Variants in LOXL2 observed in about 807,000 individuals in gnomAD.
LOXL2 encodes lysyl oxidase homolog 2.
A neutral mutation model predicts 93.0 loss-of-function variants in LOXL2; 70 were observed. The ratio of observed to expected loss-of-function variants is 0.75; its 90% CI spans 0.62 to 0.92. LOXL2 has a LOEUF of 0.92. Among genes scored for constraint, LOXL2 ranks in the 40% least tolerant of loss-of-function variants. The pLI is 0.00. For missense variants in LOXL2, 973 were observed against 1,054.9 expected, an observed-to-expected ratio of 0.92 and a Z score of 1.08; for synonymous variants, 438 against 413.2, an observed-to-expected ratio of 1.06 and a Z score of -0.73.
chr8:23,310,728 T>A (rs1299060299), intron 9 of LOXL2, among the ~76,000 whole-genome samples: 1 of 152,252 alleles, frequency 6.6e-6, no homozygotes, highest in East Asian at 1.9e-4. Flanking sequence ...CTTAACAGGG[T>A]CTTCCAGGTT....
intron 1 of LOXL2, among the ~76,000 whole-genome samples, chr8:23,390,911 TG>T (rs1198831062): frequency 2.0e-5 from 3 of 152,062 alleles, no homozygotes; most frequent in Non-Finnish European, 4.4e-5. Flanking sequence ...TCCATGAGGC[TG>T]GGGAGGCCTC....
chr8:23,375,007 T>C (rs1189631889), intron 1 of LOXL2, among the ~76,000 whole-genome samples: 1 of 152,252 alleles, frequency 6.6e-6, no homozygotes. Flanking sequence ...GTTTTAGACA[T>C]GAAGTCCTTG....
At chr8:23,338,435 T>A (rs377625581) in intron 4 of LOXL2, among the ~76,000 whole-genome samples, 10 of 132,916 alleles carry the variant, frequency 7.5e-5, no homozygotes, top group African/African-American at 2.7e-4. Context: ...GGGCCCAAGG[T>A]GGGGGGCCCT....
chr8:23,321,898 A>G, intron 7 of LOXL2: 1 of 521,596 alleles, frequency 1.9e-6, no homozygotes, highest in Non-Finnish European at 3.4e-6. Context: ...GTTAACATGC[A>G]AGGAGGCAGG....
chr8:23,385,668 T>TG, intron 1 of LOXL2: 1 of 481,434 alleles, frequency 2.1e-6, no homozygotes, highest in Non-Finnish European at 3.8e-6. Context: ...CTAAGACAGG[T>TG]ATTTCATCCT....
chr8:23,342,588 C>T (rs1026892690), intron 3 of LOXL2, among the ~76,000 whole-genome samples: 1 of 152,064 alleles, frequency 6.6e-6, no homozygotes, highest in Non-Finnish European at 1.5e-5. Flanking sequence ...CACGCCACCA[C>T]ACCCGGCCAA....
At chr8:23,307,889 T>C (rs556825614) in intron 10 of LOXL2, among the ~76,000 whole-genome samples, 57 of 129,762 alleles carry the variant, frequency 4.4e-4, no homozygotes, top group Admixed American at 4.0e-3. Context: ...TCCTTTCTTG[T>C]GAGACTAGTG....
At chr8:23,308,859 G>A (rs528816311) in intron 10 of LOXL2, among the ~76,000 whole-genome samples, 46 of 152,166 alleles carry the variant, frequency 3.0e-4, no homozygotes, top group Non-Finnish European at 5.1e-4. Flanking sequence ...CATGCAGCTC[G>A]CTAGAGGCAC....
In LOXL2 at chr8:23,341,119, C is replaced by A; in HGVS notation, c.616G>T (p.Val206Leu). ...RKRTPVMEGYVEVKEGKTWKQ... is the reference protein window; with the variant it reads ...RKRTPVMEGYLEVKEGKTWKQ... ...CAGGTCTTGCCCTCCTTCACCTCCA[C>A]GTAGCCCTCCATCACTGGGGTGCGC... Residue 206 changes from valine (V) to leucine (L), a missense_variant, in exon 4 of 14, where the codon GTG becomes TTG. Val to Leu is a conservative substitution (Grantham distance 32). Transcript: ENST00000389131. 6.2e-7 allele frequency: 1 copy of A among 1,614,018 alleles called. No individual in the cohort carries two copies. Among genetic ancestry groups the A allele is most frequent in the Non-Finnish European group, 8.5e-7 (1 of 1,180,014 alleles).
intron 10 of LOXL2, among the ~76,000 whole-genome samples, chr8:23,309,086 G>A (rs1006634708): frequency 1.9e-4 from 28 of 151,264 alleles, no homozygotes; most frequent in African/African-American, 6.6e-4. Context: ...CTGGGTTCAC[G>A]CCATTCTCCT....
intron 1 of LOXL2, among the ~76,000 whole-genome samples, chr8:23,381,137 A>T (rs1804676299): frequency 6.7e-6 from 1 of 148,484 alleles, no homozygotes; most frequent in East Asian, 2.0e-4. Context: ...AATTGGAATC[A>T]TTTTCTACGT....
At position 23,378,184 on chromosome 8, in the gene LOXL2, C is replaced by A. The variant is rs1187548104; in HGVS notation, c.-83-9750G>T. On this transcript the variant is annotated intron_variant, in intron 1 of 13. Transcript: ENST00000389131. ...TGCTTGTCTGTAAAGGATTTTATTTCTCCTTCACTTATGAAGCTTAGTTTG... is the reference window on the plus strand; with the variant it reads ...TGCTTGTCTGTAAAGGATTTTATTTATCCTTCACTTATGAAGCTTAGTTTG... Among the ~76,000 whole-genome samples, 3 of 152,268 alleles carry A rather than the reference C, an allele frequency of 2.0e-5. No homozygotes were observed. In the East Asian group the frequency reaches 5.8e-4, roughly 29 times the overall value.
At chr8:23,351,279 A>G (rs7010657) in intron 3 of LOXL2, among the ~76,000 whole-genome samples, 46,678 of 152,018 alleles carry the variant, frequency 0.31, 9,371 homozygotes, top group African/African-American at 0.57. Flanking sequence ...GGCTCATTGC[A>G]GAACCAGGCT....
At chr8:23,363,384 G>A (rs547340367) in intron 2 of LOXL2, 4 of 152,268 alleles carry the variant, frequency 2.6e-5, no homozygotes, top group African/African-American at 7.2e-5. Context: ...TCTGGGCTGA[G>A]GTTTTCCAAC....
chr8:23,389,618 A>G (rs941580252), intron 1 of LOXL2, among the ~76,000 whole-genome samples: 1 of 152,184 alleles, frequency 6.6e-6, no homozygotes, highest in African/African-American at 2.4e-5. Context: ...TCATGCACAG[A>G]TAAAGGGGAA....
At chr8:23,299,619 G>A (rs748484029) in intron 12 of LOXL2, among the ~76,000 whole-genome samples, 24 of 152,178 alleles carry the variant, frequency 1.6e-4, no homozygotes, top group Non-Finnish European at 2.8e-4. Flanking sequence ...GGAGGTTTAC[G>A]GTGAGGACCC....
chr8:23,318,450 CACACACACACAA>C (rs1287562093), intron 8 of LOXL2, among the ~76,000 whole-genome samples: 303 of 146,914 alleles, frequency 2.1e-3, no homozygotes, highest in African/African-American at 6.8e-3. Context: ...CACACACACA[CACACACACACAA>C]AAATACACAT....
chr8:23,309,827 G>A lies in LOXL2; in HGVS notation c.1721C>T (p.Ala574Val). 6 of 1,600,792 alleles carry A rather than the reference G, an allele frequency of 3.7e-6. No individual in the cohort carries two copies. The highest frequency in any genetic ancestry group is 4.3e-6 in the Non-Finnish European group (5 of 1,173,624). The change falls in exon 10 of 14, where the codon GCC becomes GTC. Residue 574 changes from alanine (A) to valine (V), a missense_variant. Ala to Val is a moderately conservative substitution (Grantham distance 64). Transcript: ENST00000389131. ...EDRPMFMLQC[A>V]MEENCLSASA... is the part of the protein sequence containing the mutation. ...GGCCGAGAGGCAGTTCTCCTCCATG[G>A]CACACTGCAGCATGAACATGGGCCG...
intron 3 of LOXL2, among the ~76,000 whole-genome samples, chr8:23,352,605 T>C (rs760593395): frequency 9.2e-5 from 14 of 152,022 alleles, no homozygotes; most frequent in Non-Finnish European, 2.9e-5. Flanking sequence ...TGCTGAAACA[T>C]TTGGCAGCTA....
Sources: allele counts gnomAD v4.1 joint callset (sites outside exome capture counted in the v4.1 genomes callset), GRCh38; gene constraint gnomAD v4.1.1; transcripts MANE v1.5; gene names NCBI Gene and HGNC (gene_info 2026-07-23, HGNC 2026-07-21).